Variants in TMEM9 observed in about 807,000 individuals in gnomAD.
TMEM9 encodes the protein transmembrane protein 9, also known as proton-transporting V-type ATPase complex assembly regulator TMEM9.
In TMEM9, 13 loss-of-function variants were observed where a neutral mutation model predicts 22.8. The observed-to-expected ratio is 0.57, with a 90% CI of 0.37 to 0.91. The LOEUF (loss-of-function observed/expected upper bound fraction) is 0.91, where lower values mean the gene tolerates loss of function less well. Ranked by LOEUF, TMEM9 falls within the 40% of genes least tolerant of loss-of-function variation. The probability of loss-of-function intolerance (pLI) is 0.01; values close to 1 mark genes in which losing one functional copy is unlikely to be tolerated. For synonymous variants in TMEM9, 88 were observed against 93.0 expected, an observed-to-expected ratio of 0.95 and a Z score of 0.31; for missense variants, 182 against 238.1, an observed-to-expected ratio of 0.76 and a Z score of 1.55.
intron 4 of TMEM9, among the ~76,000 whole-genome samples, chr1:201,141,236 G>A (rs1373348473): frequency 1.3e-5 from 2 of 152,222 alleles, no homozygotes; most frequent in South Asian, 2.1e-4. Context: ...CAGCCTTTAC[G>A]TTTCCTGCTG....
chr1:201,160,797 G>A (rs1478962528), intron 1 of TMEM9, among the ~76,000 whole-genome samples: 1 of 151,678 alleles, frequency 6.6e-6, no homozygotes, highest in African/African-American at 2.4e-5. Context: ...TGAGCCGGGC[G>A]TGGTCGCAGG....
chr1:201,153,755 G>A (rs1255848719), intron 1 of TMEM9, 103 bp downstream of exon 1: 6 of 1,574,014 alleles, frequency 3.8e-6, no homozygotes, highest in Non-Finnish European at 5.2e-6. Flanking sequence ...AGGTGAGTGA[G>A]AGGCAGGCTT....
At chr1:201,139,430 C>T (rs952405877) in intron 4 of TMEM9, among the ~76,000 whole-genome samples, 3 of 152,216 alleles carry the variant, frequency 2.0e-5, no homozygotes, top group African/African-American at 7.2e-5. Context: ...CTCTCCCTGA[C>T]CCCTGCACGC....
At chr1:201,160,637 T>TAAAA (rs368648796) in intron 1 of TMEM9, among the ~76,000 whole-genome samples, 93,432 of 149,644 alleles carry the variant, frequency 0.62, 29,444 homozygotes, top group Admixed American at 0.71. Context: ...TTTTTTTTTT[T>TAAAA]AAAATCGAGG....
At chr1:201,154,953 G>A (rs1465352590), upstream of TMEM9, among the ~76,000 whole-genome samples, 1 of 152,192 alleles carries the variant, frequency 6.6e-6, no homozygotes, top group Non-Finnish European at 1.5e-5. Flanking sequence ...GGCGATGGGT[G>A]GTGTGGGCTG....
chr1:201,165,150 T>TTATATA (rs57281429), intron 1 of TMEM9, among the ~76,000 whole-genome samples: 2,172 of 86,946 alleles, frequency 0.025, 81 homozygotes, highest in African/African-American at 0.068. Flanking sequence ...TAAGAGAAAA[T>TTATATA]TATATATATA....
At chr1:201,153,434 T>C (rs1323988630) in intron 1 of TMEM9, among the ~76,000 whole-genome samples, 1 of 152,236 alleles carries the variant, frequency 6.6e-6, no homozygotes, top group Non-Finnish European at 1.5e-5. Context: ...ATATACAGCA[T>C]ATATGAAACA....
chr1:201,168,811 A>G (rs1441657359), intron 1 of TMEM9, among the ~76,000 whole-genome samples: 1 of 114,236 alleles, frequency 8.8e-6, no homozygotes, highest in Admixed American at 9.2e-5. Context: ...CTTATTTTCT[A>G]GACAAGGTTT....
chr1:201,157,827 G>C (rs1335871784), upstream of TMEM9, among the ~76,000 whole-genome samples: 1 of 152,196 alleles, frequency 6.6e-6, no homozygotes, highest in African/African-American at 2.4e-5. Context: ...GTGGAGAGGG[G>C]GCTTTGAGGG....
chr1:201,160,516 G>A (rs936325558), intron 1 of TMEM9, among the ~76,000 whole-genome samples: 2 of 152,098 alleles, frequency 1.3e-5, no homozygotes, highest in Non-Finnish European at 2.9e-5. Flanking sequence ...TTGAACCCAG[G>A]AGGCAGAGGT....
rs36053036 is a variant in TMEM9, at chr1:201,160,936, C to CAA, written c.-36-6979_-36-6978dup. 2.7e-3 allele frequency among the ~76,000 whole-genome samples: 309 copies of CAA among 115,556 alleles called. 1 individual carries two copies. The highest frequency in any genetic ancestry group is 4.3e-3 in the African/African-American group (118 of 27,158). The allele number at this position is 115,556 out of a possible 152,430, so 75.8% of individuals were successfully genotyped here. On this transcript the variant is annotated intron_variant, in intron 1 of 5. Coordinates refer to the TMEM9 transcript ENST00000367333. ...GGGGGACAGAGTGAGACTCTGTCTCCAAAAAAAAAAAAAAATATTGAGGAC... is the reference window on the plus strand; with the variant it reads ...GGGGGACAGAGTGAGACTCTGTCTCCAAAAAAAAAAAAAAAAATATTGAGGAC...
At chr1:201,155,422 C>T (rs544257811), upstream of TMEM9, among the ~76,000 whole-genome samples, 20 of 152,332 alleles carry the variant, frequency 1.3e-4, no homozygotes, top group African/African-American at 4.1e-4. Context: ...TCAAGCCCCT[C>T]GCAGGCCCTG....
intron 1 of TMEM9, among the ~76,000 whole-genome samples, chr1:201,153,535 C>G (rs779813252): frequency 6.6e-6 from 1 of 152,140 alleles, no homozygotes; most frequent in Non-Finnish European, 1.5e-5. Flanking sequence ...ATATCTGAAA[C>G]AAAACATACT....
intron 3 of TMEM9, chr1:201,144,281 T>C (rs1275985417): frequency 8.2e-6 from 2 of 244,894 alleles, no homozygotes; most frequent in Non-Finnish European, 1.6e-5. Flanking sequence ...TCCCTGGCTG[T>C]AGAAGAGTTC....
chr1:201,146,619 A>G (rs1428125409), intron 3 of TMEM9, 121 bp downstream of exon 3: 1 of 1,076,134 alleles, frequency 9.3e-7, no homozygotes, highest in Non-Finnish European at 1.4e-6. Flanking sequence ...CCAGCCTAGA[A>G]GCCAGTCTCA....
intron 1 of TMEM9, 145 bp downstream of exon 1, chr1:201,153,713 G>C: frequency 6.5e-7 from 1 of 1,546,210 alleles, no homozygotes; most frequent in Non-Finnish European, 8.7e-7. Context: ...CCTTGAACCT[G>C]AAGGAAGACC....
chr1:201,170,840 C>T (rs1472490159), intron 1 of TMEM9, among the ~76,000 whole-genome samples: 2 of 152,340 alleles, frequency 1.3e-5, no homozygotes, highest in Admixed American at 6.5e-5. Flanking sequence ...ACACTCCAGC[C>T]GTCCAATCCC....
At chr1:201,163,416 C>T (rs1665996173) in intron 1 of TMEM9, among the ~76,000 whole-genome samples, 1 of 152,050 alleles carries the variant, frequency 6.6e-6, no homozygotes, top group Non-Finnish European at 1.5e-5. Context: ...ATGGCAAAAC[C>T]CCGTCTCTAC....
chr1:201,153,235 C>T (rs759724234), intron 1 of TMEM9, among the ~76,000 whole-genome samples: 3 of 152,114 alleles, frequency 2.0e-5, no homozygotes, highest in Non-Finnish European at 2.9e-5. Context: ...TTATGTGTAA[C>T]GTAAGAAAAT....
Sources: gnomAD v4.1 joint callset for allele counts (sites outside exome capture counted in the v4.1 genomes callset) on GRCh38, gnomAD v4.1.1 for gene constraint, MANE v1.5 for transcripts, NCBI Gene and HGNC (gene_info 2026-07-23, HGNC 2026-07-21) for gene names.